The following MTMR3 variants were observed in gnomAD, a reference collection of about 807,000 sequenced individuals.
The protein encoded by MTMR3 is phosphatidylinositol-3,5-bisphosphate 3-phosphatase MTMR3.
In MTMR3, 32 loss-of-function variants were observed where a neutral mutation model predicts 132.4. The ratio of observed to expected loss-of-function variants is 0.24; its 90% confidence interval spans 0.18 to 0.32. MTMR3 has a LOEUF of 0.32. MTMR3 is among the 10% of genes least tolerant of loss of function. The pLI is 1.00. For synonymous variants in MTMR3, 556 were observed against 550.3 expected (o/e 1.01, Z -0.14); for missense variants, 1,216 against 1,489.6 (o/e 0.82, Z 3.02).
chr22:29,946,672 A>T (rs866903663), intron 1 of MTMR3, among the ~76,000 whole-genome samples: 1 of 151,786 alleles, frequency 6.6e-6, no homozygotes, highest in African/African-American at 2.4e-5. Context: ...CTACCTGCAT[A>T]TTTTTTTTGC....
At chr22:29,943,481 C>T (rs765984317) in intron 1 of MTMR3, among the ~76,000 whole-genome samples, 29 of 152,062 alleles carry the variant, frequency 1.9e-4, no homozygotes, top group Non-Finnish European at 2.8e-4. Flanking sequence ...TGAGCCACCG[C>T]GCCTGGCCTT....
chr22:29,890,496 C>T (rs1339357645), intron 1 of MTMR3, among the ~76,000 whole-genome samples: 1 of 151,772 alleles, frequency 6.6e-6, no homozygotes, highest in Non-Finnish European at 1.5e-5. Flanking sequence ...CTAGCCTGGG[C>T]CACAGAGTGA....
At chr22:29,914,967 T>G (rs2065281363) in intron 1 of MTMR3, among the ~76,000 whole-genome samples, 1 of 152,210 alleles carries the variant, frequency 6.6e-6, no homozygotes, top group African/African-American at 2.4e-5. Context: ...ATTTTACTGT[T>G]ACTAATTTAA....
intron 1 of MTMR3, among the ~76,000 whole-genome samples, chr22:29,922,030 CT>C (rs537101747): frequency 0.012 from 1,636 of 141,798 alleles, 26 homozygotes; most frequent in African/African-American, 0.035. Flanking sequence ...TATATCATGT[CT>C]TTTTTTTTTT....
intron 1 of MTMR3, among the ~76,000 whole-genome samples, chr22:29,907,267 T>A (rs2065121692): frequency 6.6e-6 from 1 of 151,656 alleles, no homozygotes; most frequent in Non-Finnish European, 1.5e-5. Flanking sequence ...CCGGGCGTCG[T>A]CGTGGGCGCC....
intron 1 of MTMR3, among the ~76,000 whole-genome samples, chr22:29,891,390 AAT>A (rs533527789): frequency 6.8e-6 from 1 of 146,972 alleles, no homozygotes; most frequent in Non-Finnish European, 1.5e-5. Flanking sequence ...CATAATATAT[AAT>A]ATATATGTGT....
intron 7 of MTMR3, chr22:29,992,948 CA>C (rs2066992943): frequency 6.6e-6 from 1 of 152,112 alleles, no homozygotes; most frequent in Admixed American, 6.6e-5. Flanking sequence ...TTTTGGGAGC[CA>C]AAGAAATGGA....
intron 1 of MTMR3, among the ~76,000 whole-genome samples, chr22:29,897,079 CT>C (rs908801028): frequency 6.7e-6 from 1 of 150,324 alleles, no homozygotes; most frequent in African/African-American, 2.4e-5. Flanking sequence ...TTTTCTTTTT[CT>C]TTTTTTTCTT....
At chr22:29,919,532 G>C (rs560184041) in intron 1 of MTMR3, among the ~76,000 whole-genome samples, 1 of 152,096 alleles carries the variant, frequency 6.6e-6, no homozygotes, top group East Asian at 1.9e-4. Context: ...TCACTTTTGG[G>C]CATGTTTTTT....
rs144923282 is a variant in MTMR3 at position 29,975,822 on chromosome 22, G to T, written c.4-2620G>T. Among the ~76,000 whole-genome samples the T allele has an allele frequency of 4.5e-3, 682 of 152,220 alleles. 6 individuals carry two copies. The highest frequency in any genetic ancestry group is 0.015 in the African/African-American group (641 of 41,516). On this transcript the variant is annotated intron_variant, in intron 3 of 19. Coordinates refer to ENST00000401950, the MANE Select transcript of MTMR3 (RefSeq NM_021090.4). ...TGTCTCACCATGTTGCCCAGGCTGG[G>T]CTTGAACTCCTGGGCTCAAGCGATC...
At chr22:29,969,288 A>T (rs2066487197) in intron 2 of MTMR3, among the ~76,000 whole-genome samples, 1 of 152,218 alleles carries the variant, frequency 6.6e-6, no homozygotes, top group East Asian at 1.9e-4. Flanking sequence ...GGTTGCTGAC[A>T]CAAAAAGCTT....
chr22:29,940,234 C>T lies in MTMR3; in HGVS notation c.-137-16802C>T, dbSNP rs548177793. On this transcript the variant is annotated intron_variant, in intron 1 of 19. Transcript: ENST00000401950. ...AGTGAGCCGAGATTGTGCCACTGCA[C>T]GCCAGCCTGGGGGACAGAGCGAGAC... Among the ~76,000 whole-genome samples, 20 of 152,224 alleles carry T rather than the reference C, an allele frequency of 1.3e-4. 1 individual carries two copies. In the East Asian group the frequency reaches 3.9e-3, roughly 29 times the overall value.
intron 1 of MTMR3, among the ~76,000 whole-genome samples, chr22:29,953,372 A>G (rs1478824675): frequency 1.3e-5 from 2 of 152,140 alleles, no homozygotes; most frequent in Admixed American, 1.3e-4. Flanking sequence ...AAACGGTACA[A>G]ATTGGTGTGC....
At chr22:29,989,807 C>T (rs1200123330) in intron 6 of MTMR3, 1 of 152,124 alleles carries the variant, frequency 6.6e-6, no homozygotes, top group African/African-American at 2.4e-5. Flanking sequence ...TGTATAATTT[C>T]TGCGTTTTCT....
chr22:29,942,814 T>C (rs2065882402), intron 1 of MTMR3, among the ~76,000 whole-genome samples: 1 of 152,244 alleles, frequency 6.6e-6, no homozygotes, highest in Non-Finnish European at 1.5e-5. Context: ...CTGTTCTTTT[T>C]TCAAGGTGCC....
rs2066687946 is a variant in MTMR3, at chr22:29,979,121, CAAAG to C, written c.210+71_210+74del. ...AGTAAGTCAAAAAACTTAATGCTCT[CAAAG>C]AGAGGAGAGGCATACAGAATTGGGA... On this transcript the variant is annotated intron_variant, in intron 5 of 19. Coordinates refer to ENST00000401950, the MANE Select transcript of MTMR3 (RefSeq NM_021090.4). The C allele has an allele frequency of 3.9e-6, 4 of 1,023,930 alleles. No individual in the cohort carries two copies. The Admixed American group carries it at 6.9e-5, about 18-fold the overall frequency. 63.4% of individuals were successfully genotyped at this position (1,023,930 alleles called of 1,614,324 possible).
intron 6 of MTMR3, 21 bp downstream of exon 6, chr22:29,988,583 G>A (rs5763671): frequency 0.4 from 624,795 of 1,564,188 alleles, 129,843 homozygotes; most frequent in East Asian, 0.75. Context: ...TGGTATGTTT[G>A]TGTTGCTGTT....
chr22:30,003,421 C>CT (rs2067214918), intron 9 of MTMR3: 1 of 152,804 alleles, frequency 6.5e-6, no homozygotes, highest in East Asian at 1.9e-4. Context: ...TGGAAGAACT[C>CT]TGTTTCGAGA....
rs749493025 is a variant in MTMR3 at position 29,991,683 on chromosome 22, G to A, written c.460+13G>A. The A allele has an allele frequency of 6.4e-7, 1 of 1,574,250 alleles. No homozygotes were observed. The highest frequency in any genetic ancestry group is 8.6e-7 in the Non-Finnish European group (1 of 1,161,244). On this transcript the variant is annotated intron_variant, in intron 7 of 19. Transcript: ENST00000401950. The stretch of plus-strand genomic sequence containing the variant: ...CTGTGCAGACCAGGTACGCCTTTCT[G>A]AAATGTGCAAATGGCCAGGGGCTTT...
Sources: allele counts gnomAD v4.1 joint callset (sites outside exome capture counted in the v4.1 genomes callset), GRCh38; gene constraint gnomAD v4.1.1; transcripts MANE v1.5; gene names NCBI Gene and HGNC (gene_info 2026-07-23, HGNC 2026-07-21).